The following ACOXL variants were observed in gnomAD, a reference collection of about 807,000 sequenced individuals.
ACOXL encodes acyl-CoA oxidase like, also known as acyl-coenzyme A oxidase-like protein.
Under a neutral mutation model 71.9 loss-of-function variants are expected in ACOXL, and 70 were observed. The observed-to-expected ratio is 0.97, with a 90% CI of 0.80 to 1.19. The LOEUF (loss-of-function observed/expected upper bound fraction) is 1.19. ACOXL is among the 50% of genes most tolerant of loss of function. The probability of loss-of-function intolerance (pLI) is 0.00; values close to 1 mark genes in which losing one functional copy is unlikely to be tolerated. For synonymous variants in ACOXL, 253 were observed against 281.6 expected, an observed-to-expected ratio of 0.90 and a Z score of 1.02; for missense variants, 703 against 736.3, an observed-to-expected ratio of 0.95 and a Z score of 0.52.
chr2:110,786,296 A>C (rs1239866828), intron 3 of ACOXL, among the ~76,000 whole-genome samples: 3 of 152,218 alleles, frequency 2.0e-5, no homozygotes, highest in African/African-American at 7.2e-5. Flanking sequence ...TTTGGTGTGG[A>C]CATTGTCTAT....
intron 13 of ACOXL, among the ~76,000 whole-genome samples, chr2:110,988,882 TGTG>T (rs1395518854): frequency 2.0e-5 from 3 of 151,940 alleles, no homozygotes; most frequent in African/African-American, 7.3e-5. Flanking sequence ...TGTGTGTGTG[TGTG>T]TGTGTGTGTC....
At chr2:111,043,067 AG>A (rs1416092026) in intron 15 of ACOXL, among the ~76,000 whole-genome samples, 1 of 152,170 alleles carries the variant, frequency 6.6e-6, no homozygotes, top group African/African-American at 2.4e-5. Flanking sequence ...CTGCCAGAGA[AG>A]AGATGCATGC....
At chr2:110,877,867 G>T (rs755644678) in intron 10 of ACOXL, among the ~76,000 whole-genome samples, 2 of 152,232 alleles carry the variant, frequency 1.3e-5, no homozygotes, top group Admixed American at 1.3e-4. Flanking sequence ...GGGCCATGAT[G>T]CGTTGCATCT....
chr2:110,860,639 C>G (rs1693831851), intron 10 of ACOXL, among the ~76,000 whole-genome samples: 2 of 152,200 alleles, frequency 1.3e-5, no homozygotes, highest in Non-Finnish European at 2.9e-5. Flanking sequence ...CACGATGAAT[C>G]TTGGTGCAGA....
At chr2:111,079,575 G>A (rs1019542059) in intron 16 of ACOXL, among the ~76,000 whole-genome samples, 2 of 152,146 alleles carry the variant, frequency 1.3e-5, no homozygotes, top group Non-Finnish European at 2.9e-5. Context: ...CTACTCTGCT[G>A]CACATGCTTC....
intron 16 of ACOXL, among the ~76,000 whole-genome samples, chr2:111,084,258 TACACACACACACAC>T (rs61263209): frequency 0.081 from 10,988 of 134,988 alleles, 519 homozygotes; most frequent in Non-Finnish European, 0.11. Context: ...ATCTAAGGAA[TACACACACACACAC>T]ACACACACAC....
At chr2:110,938,416 C>G (rs2060744234) in intron 12 of ACOXL, among the ~76,000 whole-genome samples, 1 of 152,272 alleles carries the variant, frequency 6.6e-6, no homozygotes, top group Admixed American at 6.5e-5. Flanking sequence ...TGCAGCTGAT[C>G]CAGTGCACAG....
intron 8 of ACOXL, among the ~76,000 whole-genome samples, chr2:110,804,798 A>G (rs1231066941): frequency 6.6e-6 from 1 of 152,078 alleles, no homozygotes; most frequent in Non-Finnish European, 1.5e-5. Context: ...TAGAGAGAGA[A>G]AGTAGGTGAA....
intron 1 of ACOXL, among the ~76,000 whole-genome samples, chr2:110,763,758 T>C (rs1420866377): frequency 6.6e-6 from 1 of 152,098 alleles, no homozygotes; most frequent in African/African-American, 2.4e-5. Flanking sequence ...AAGCCATGGA[T>C]TGGGAGAAAA....
At chr2:110,841,675 A>C (rs1368979079) in intron 10 of ACOXL, among the ~76,000 whole-genome samples, 3 of 152,216 alleles carry the variant, frequency 2.0e-5, no homozygotes, top group African/African-American at 7.2e-5. Context: ...CAGAAGCACT[A>C]TCTGGGTAAT....
At chr2:110,822,139 C>T (rs1393751820) in intron 9 of ACOXL, among the ~76,000 whole-genome samples, 5 of 152,070 alleles carry the variant, frequency 3.3e-5, no homozygotes, top group Non-Finnish European at 1.5e-5. Context: ...CTAGGTGTTT[C>T]CTTCGTGGCT....
intron 13 of ACOXL, among the ~76,000 whole-genome samples, chr2:110,991,139 A>T (rs75458960): frequency 6.6e-6 from 1 of 152,162 alleles, no homozygotes; most frequent in Non-Finnish European, 1.5e-5. Context: ...TGTTAGTTTA[A>T]GTAAATTGTA....
chr2:111,102,905 A>G (rs1340028112), intron 17 of ACOXL, among the ~76,000 whole-genome samples: 1 of 152,060 alleles, frequency 6.6e-6, no homozygotes, highest in Non-Finnish European at 1.5e-5. Flanking sequence ...CTTTGATTTT[A>G]CAGACGAGAC....
intron 12 of ACOXL, among the ~76,000 whole-genome samples, chr2:110,935,498 A>G (rs1043014914): frequency 1.3e-5 from 2 of 152,064 alleles, no homozygotes; most frequent in Non-Finnish European, 2.9e-5. Context: ...CCTGCTCTCC[A>G]GTGATCCAGC....
intron 1 of ACOXL, among the ~76,000 whole-genome samples, chr2:110,741,940 T>G (rs953077365): frequency 2.6e-5 from 4 of 152,206 alleles, no homozygotes; most frequent in African/African-American, 9.7e-5. Context: ...GAGAGGTGAT[T>G]GCACGTTTTC....
At chr2:110,853,429 A>C (rs1409958808) in intron 10 of ACOXL, among the ~76,000 whole-genome samples, 1 of 152,220 alleles carries the variant, frequency 6.6e-6, no homozygotes, top group Non-Finnish European at 1.5e-5. Flanking sequence ...GGCAGGTATC[A>C]TGTGCTCAGT....
chr2:110,953,535 A>C (rs2149417226), intron 12 of ACOXL, among the ~76,000 whole-genome samples: 1 of 152,156 alleles, frequency 6.6e-6, no homozygotes, highest in East Asian at 1.9e-4. Context: ...GCATTATTCA[A>C]ATATGCCCTA....
At chr2:110,892,939 A>G (rs1698086584) in intron 10 of ACOXL, among the ~76,000 whole-genome samples, 1 of 152,206 alleles carries the variant, frequency 6.6e-6, no homozygotes, top group Admixed American at 6.5e-5. Flanking sequence ...CACTTGCTGC[A>G]GTTAACTATG....
chr2:110,783,218 G>A (rs1683556844), intron 2 of ACOXL, among the ~76,000 whole-genome samples: 1 of 152,160 alleles, frequency 6.6e-6, no homozygotes, highest in African/African-American at 2.4e-5. Context: ...CCCGTGTAGG[G>A]TTGTTGTGAG....
Sources: allele counts gnomAD v4.1 joint callset (sites outside exome capture counted in the v4.1 genomes callset), GRCh38; gene constraint gnomAD v4.1.1; transcripts MANE v1.5; gene names NCBI Gene and HGNC (gene_info 2026-07-23, HGNC 2026-07-21).